ARB2A: variants seen among roughly 807,000 people sequenced by gnomAD.
The protein encoded by ARB2A is ARB2 cotranscriptional regulator A.
At chr5:93,832,755 C>A in the ARB2A span, among the ~76,000 whole-genome samples, 1 of 152,118 alleles carries the variant, frequency 6.6e-6, no homozygotes, top group Admixed American at 6.5e-5. Context: ...CTGTCCAATT[C>A]TACTTTTTTT....
the ARB2A span, among the ~76,000 whole-genome samples, chr5:93,857,278 A>C: frequency 6.6e-6 from 1 of 152,042 alleles, no homozygotes; most frequent in African/African-American, 2.4e-5. Flanking sequence ...CTCAGATCTC[A>C]AGTTGCGTGC....
chr5:94,042,074 G>A, the ARB2A span, among the ~76,000 whole-genome samples: 1 of 152,180 alleles, frequency 6.6e-6, no homozygotes, highest in African/African-American at 2.4e-5. Flanking sequence ...ATAGGAATGT[G>A]AATTTCCTGC....
At chr5:94,096,333 TC>T in the ARB2A span, among the ~76,000 whole-genome samples, 2 of 152,224 alleles carry the variant, frequency 1.3e-5, no homozygotes. Context: ...GAAAGGGGTA[TC>T]ACTTGTATGC....
chr5:93,886,166 A>G, the ARB2A span, among the ~76,000 whole-genome samples: 1 of 151,784 alleles, frequency 6.6e-6, no homozygotes, highest in African/African-American at 2.4e-5. Flanking sequence ...ACCAATTATA[A>G]GAAAAATGGA....
At chr5:94,050,543 G>A in the ARB2A span, among the ~76,000 whole-genome samples, 1 of 150,584 alleles carries the variant, frequency 6.6e-6, no homozygotes, top group Non-Finnish European at 1.5e-5. Flanking sequence ...GTGAGCCACT[G>A]AACAGGAACT....
the ARB2A span, among the ~76,000 whole-genome samples, chr5:93,887,775 A>G: frequency 6.6e-6 from 1 of 151,906 alleles, no homozygotes; most frequent in Non-Finnish European, 1.5e-5. Flanking sequence ...CCTGAATTAG[A>G]TGCAGAATAC....
the ARB2A span, among the ~76,000 whole-genome samples, chr5:93,763,925 G>A: frequency 6.6e-6 from 1 of 152,134 alleles, no homozygotes; most frequent in African/African-American, 2.4e-5. Context: ...CATGGAAACT[G>A]AACAACCTGC....
At chr5:93,654,395 A>C in the ARB2A span, among the ~76,000 whole-genome samples, 1 of 152,156 alleles carries the variant, frequency 6.6e-6, no homozygotes, top group Non-Finnish European at 1.5e-5. Flanking sequence ...TTTTTCTATA[A>C]TCTTTCTTTC....
At chr5:94,032,895 C>T in the ARB2A span, among the ~76,000 whole-genome samples, 1 of 152,108 alleles carries the variant, frequency 6.6e-6, no homozygotes, top group Non-Finnish European at 1.5e-5. Context: ...GTGTCCCTAC[C>T]CAAATCTCAT....
At chr5:93,712,047 G>C in the ARB2A span, among the ~76,000 whole-genome samples, 1 of 152,152 alleles carries the variant, frequency 6.6e-6, no homozygotes, top group African/African-American at 2.4e-5. Context: ...GTGCTGGGAC[G>C]GAAGTCCCAG....
chr5:94,100,249 A>C, the ARB2A span, among the ~76,000 whole-genome samples: 1 of 152,174 alleles, frequency 6.6e-6, no homozygotes, highest in Non-Finnish European at 1.5e-5. Flanking sequence ...AGAGCTCTAC[A>C]ATGAGAGTTA....
the ARB2A span, among the ~76,000 whole-genome samples, chr5:93,952,302 G>A: frequency 6.6e-6 from 1 of 152,206 alleles, no homozygotes; most frequent in Non-Finnish European, 1.5e-5. Flanking sequence ...CAAACTGGAA[G>A]AATCACATTA....
the ARB2A span, among the ~76,000 whole-genome samples, chr5:93,654,053 G>T: frequency 1.3e-5 from 2 of 152,206 alleles, no homozygotes; most frequent in African/African-American, 2.4e-5. Flanking sequence ...TGGACACTGT[G>T]CTAGGTGTGA....
the ARB2A span, among the ~76,000 whole-genome samples, chr5:93,869,771 A>C: frequency 6.6e-6 from 1 of 152,024 alleles, no homozygotes; most frequent in Admixed American, 6.6e-5. Context: ...GTTCTTTGTA[A>C]TTCTCCCCAC....
the ARB2A span, among the ~76,000 whole-genome samples, chr5:93,901,586 T>C: frequency 6.6e-6 from 1 of 152,166 alleles, no homozygotes; most frequent in African/African-American, 2.4e-5. Context: ...AAGATGTTTA[T>C]AAAGTTTTCA....
the ARB2A span, among the ~76,000 whole-genome samples, chr5:93,878,512 C>A: frequency 6.6e-6 from 1 of 151,902 alleles, no homozygotes; most frequent in African/African-American, 2.4e-5. Context: ...GCTCCTGCTC[C>A]TGGGGCAGGG....
the ARB2A span, among the ~76,000 whole-genome samples, chr5:94,061,954 A>G: frequency 6.6e-6 from 1 of 152,230 alleles, no homozygotes; most frequent in African/African-American, 2.4e-5. Flanking sequence ...TGCATACATA[A>G]AGGCAAATGA....
At chr5:93,800,490 T>A in the ARB2A span, among the ~76,000 whole-genome samples, 28 of 151,794 alleles carry the variant, frequency 1.8e-4, no homozygotes, top group Admixed American at 1.5e-3. Context: ...TCTGGCATGT[T>A]TAATTAATTA....
At chr5:93,678,867 A>G in the ARB2A span, among the ~76,000 whole-genome samples, 2 of 152,186 alleles carry the variant, frequency 1.3e-5, no homozygotes, top group South Asian at 4.1e-4. Flanking sequence ...CTTCAAAGAA[A>G]CACTTTGAGA....
Sources: allele counts gnomAD v4.1 joint callset (sites outside exome capture counted in the v4.1 genomes callset), GRCh38; gene constraint gnomAD v4.1.1; transcripts MANE v1.5; gene names NCBI Gene and HGNC (gene_info 2026-07-23, HGNC 2026-07-21).